Variants in ZNF407 observed in about 807,000 individuals in gnomAD.
The protein encoded by ZNF407 is zinc finger protein 407.
ZNF407 carries 17 observed loss-of-function variants against 131.2 expected under a neutral mutation model. That is an observed-to-expected ratio of 0.13 (90% CI 0.09 to 0.19). The LOEUF (loss-of-function observed/expected upper bound fraction) is 0.19, where lower values mean the gene tolerates loss of function less well. Among genes scored for constraint, ZNF407 ranks in the 10% least tolerant of loss-of-function variants. The pLI is 1.00. For missense variants in ZNF407, 2,681 were observed against 2,830.6 expected, an observed-to-expected ratio of 0.95 and a Z score of 1.20; for synonymous variants, 1,156 against 1,062.0, an observed-to-expected ratio of 1.09 and a Z score of -1.72.
intron 8 of ZNF407, among the ~76,000 whole-genome samples, chr18:75,033,279 C>T (rs1470518689): frequency 3.8e-5 from 3 of 78,048 alleles, no homozygotes; most frequent in South Asian, 4.8e-4. Context: ...GGTAACTAAG[C>T]GTGCTCAGAA....
At position 75,015,232 on chromosome 18, in the gene ZNF407, A is replaced by T. The variant is rs1316725986; in HGVS notation, c.5429-47918A>T. Among the ~76,000 whole-genome samples the T allele has an allele frequency of 5.3e-5, 8 of 152,022 alleles. No individual in the cohort carries two copies. In the East Asian group the frequency reaches 1.5e-3, roughly 29 times the overall value. On this transcript the variant is annotated intron_variant, in intron 8 of 8. Transcript: ENST00000299687. ...TATTTTAGGGGAAAAGTCAATAATA[A>T]ATTGGACCCAACAGTTATTAGTAAT...
chr18:74,908,095 G>A (rs929227377), intron 7 of ZNF407, among the ~76,000 whole-genome samples: 3 of 151,954 alleles, frequency 2.0e-5, no homozygotes, highest in Admixed American at 6.6e-5. Flanking sequence ...AACCCATTTT[G>A]GAATCCGTAT....
At chr18:74,959,149 A>G (rs1972310061) in intron 8 of ZNF407, among the ~76,000 whole-genome samples, 1 of 152,222 alleles carries the variant, frequency 6.6e-6, no homozygotes, top group African/African-American at 2.4e-5. Flanking sequence ...CTTAAGACAC[A>G]GTGTTTAATA....
At chr18:74,902,742 A>G (rs1035669201) in intron 7 of ZNF407, among the ~76,000 whole-genome samples, 1 of 152,222 alleles carries the variant, frequency 6.6e-6, no homozygotes, top group African/African-American at 2.4e-5. Flanking sequence ...ATACTCAGCA[A>G]CTGTAGACTT....
In ZNF407 at chr18:74,798,378, G is replaced by T. The variant is rs79958821; in HGVS notation, c.4877+16876G>T. On this transcript the variant is annotated intron_variant, in intron 4 of 8. Coordinates refer to ENST00000299687, the MANE Select transcript of ZNF407 (RefSeq NM_017757.3). ...AAAATTGAGAAACAGTGAAAAAAAG[G>T]AAGGCAAGGAAGAATATATTTAATA... Among the ~76,000 whole-genome samples the T allele has an allele frequency of 9.0e-3, 1,371 of 152,104 alleles. 23 individuals are homozygous for T. The highest frequency in any genetic ancestry group is 0.03 in the African/African-American group (1,257 of 41,492).
intron 3 of ZNF407, among the ~76,000 whole-genome samples, chr18:74,757,362 C>A (rs934601524): frequency 2.0e-5 from 3 of 151,946 alleles, no homozygotes; most frequent in African/African-American, 7.2e-5. Flanking sequence ...TGTTTCCATT[C>A]ATCTCAAACT....
chr18:74,894,761 C>T (rs1031898024), intron 7 of ZNF407, among the ~76,000 whole-genome samples: 1 of 152,118 alleles, frequency 6.6e-6, no homozygotes, highest in Non-Finnish European at 1.5e-5. Flanking sequence ...CTACATTGCA[C>T]TTTAAATGTT....
intron 8 of ZNF407, among the ~76,000 whole-genome samples, chr18:75,037,688 G>A (rs1015993324): frequency 2.0e-5 from 3 of 152,074 alleles, no homozygotes; most frequent in Admixed American, 6.6e-5. Flanking sequence ...AATTTCTTTC[G>A]TAGCACATTG....
rs368586694 is a variant in ZNF407 at position 74,634,024 on chromosome 18, C to T, written c.3005C>T (p.Pro1002Leu). Residue 1002 changes from proline (P) to leucine (L), a missense_variant, in exon 2 of 9, where the codon CCG becomes CTG. By Grantham distance (98) the Pro-to-Leu change is moderately conservative. Transcript: ENST00000299687. ...ISSEPEDFAQ[P>L]GDVYSQRDVT... The stretch of plus-strand genomic sequence containing the variant: ...TCAGAGCCAGAGGACTTCGCCCAGC[C>T]GGGGGATGTGTACTCCCAGAGAGAT... 71 of 1,613,866 alleles carry T rather than the reference C, an allele frequency of 4.4e-5. No homozygotes were observed. Among genetic ancestry groups the T allele is most frequent in the Admixed American group, 1.7e-4 (10 of 60,014 alleles).
intron 4 of ZNF407, among the ~76,000 whole-genome samples, chr18:74,788,615 A>G (rs79254930): frequency 2.1e-5 from 2 of 94,842 alleles, no homozygotes; most frequent in African/African-American, 6.8e-5. Context: ...GGTTATCTTG[A>G]AAAAAAAAAA....
chr18:74,804,550 G>A (rs1407852042), intron 4 of ZNF407: 2 of 986,666 alleles, frequency 2.0e-6, no homozygotes, highest in East Asian at 1.1e-4. Flanking sequence ...TGCTTTGTTT[G>A]TATGTGGAGA....
Position 75,064,498 on chromosome 18 carries a change from C to A in ZNF407, c.*30C>A. 6.9e-7 allele frequency: 1 copy of A among 1,446,778 alleles called. No homozygotes were observed. Among genetic ancestry groups the A allele is most frequent in the South Asian group, 1.5e-5 (1 of 68,738 alleles). The allele number at this position is 1,446,778 out of a possible 1,614,324, so 89.6% of individuals were successfully genotyped here. ...CGCGGCACCTTTACTCAGCACAGGG[C>A]AGGTGTGGGAAGGTCCAGCTTCGGT... On this transcript the variant is annotated 3_prime_UTR_variant, in exon 9 of 9. Transcript: ENST00000299687.
In ZNF407 at chr18:74,846,916, C is replaced by T. The variant is rs1394095949; in HGVS notation, c.4878-30281C>T. 2.6e-5 allele frequency among the ~76,000 whole-genome samples: 4 copies of T among 151,946 alleles called. No individual in the cohort carries two copies. The East Asian group carries it at 6.0e-4, about 23-fold the overall frequency. On this transcript the variant is annotated intron_variant, in intron 4 of 8. Transcript: ENST00000299687. ...GGCTGAGGCAGGAGAATCACTTGAA[C>T]CCAGGAGGCGGAGGTTGCAGTGAGC...
intron 1 of ZNF407, among the ~76,000 whole-genome samples, chr18:74,623,000 CTG>C (rs1379089227): frequency 1.1e-4 from 16 of 148,100 alleles, no homozygotes; most frequent in East Asian, 2.0e-4. Flanking sequence ...GTCCGTGTGT[CTG>C]TTAGTCTGAA....
intron 4 of ZNF407, among the ~76,000 whole-genome samples, chr18:74,846,584 G>C (rs1254029897): frequency 6.6e-6 from 1 of 151,824 alleles, no homozygotes; most frequent in Non-Finnish European, 1.5e-5. Context: ...TGATCCGCCT[G>C]CCTTGGCCTC....
intron 3 of ZNF407, among the ~76,000 whole-genome samples, chr18:74,645,702 A>G (rs1984943287): frequency 6.6e-6 from 1 of 150,640 alleles, no homozygotes; most frequent in African/African-American, 2.4e-5. Context: ...GTGCATTAGA[A>G]GGGATCTCTA....
chr18:74,743,781 G>A (rs968821201), intron 3 of ZNF407, among the ~76,000 whole-genome samples: 1 of 152,012 alleles, frequency 6.6e-6, no homozygotes. Context: ...TAGGTATATT[G>A]TGATTTATTA....
chr18:74,649,625 C>G (rs1985136335), intron 3 of ZNF407, among the ~76,000 whole-genome samples: 1 of 152,096 alleles, frequency 6.6e-6, no homozygotes, highest in East Asian at 1.9e-4. Flanking sequence ...ATCTAGTGGA[C>G]AGGTAAAGAA....
At chr18:74,983,774 G>A (rs375748899) in intron 8 of ZNF407, among the ~76,000 whole-genome samples, 1 of 152,316 alleles carries the variant, frequency 6.6e-6, no homozygotes, top group East Asian at 1.9e-4. Flanking sequence ...TCCTCAGCAT[G>A]CTAGTGACAG....
Sources: gnomAD v4.1 joint callset for allele counts (sites outside exome capture counted in the v4.1 genomes callset) on GRCh38, gnomAD v4.1.1 for gene constraint, MANE v1.5 for transcripts, NCBI Gene and HGNC (gene_info 2026-07-23, HGNC 2026-07-21) for gene names.